ARHGAP17: variants seen among roughly 807,000 people sequenced by gnomAD.
The protein encoded by ARHGAP17 is rho GTPase-activating protein 17.
ARHGAP17 carries 57 observed loss-of-function variants against 99.5 expected under a neutral mutation model. That is an observed-to-expected ratio of 0.57 (90% CI 0.46 to 0.71). The LOEUF (loss-of-function observed/expected upper bound fraction) is 0.71, where lower values mean the gene tolerates loss of function less well. Ranked by LOEUF, ARHGAP17 falls within the 30% of genes least tolerant of loss-of-function variation. ARHGAP17 has a pLI of 0.00. For missense variants in ARHGAP17, 1,000 were observed against 1,122.4 expected, an observed-to-expected ratio of 0.89 and a Z score of 1.56; for synonymous variants, 417 against 429.6, an observed-to-expected ratio of 0.97 and a Z score of 0.36.
chr16:24,959,953 G>A lies in ARHGAP17; in HGVS notation c.600C>T (p.Asn200=). The change falls in exon 8 of 20, where the codon AAC becomes AAT. Residue 200 remains asparagine (N), a synonymous_variant. Transcript: ENST00000289968. ...CATACTCCCCTTCTTTGGCCATAAA[G>A]TTGTACATGTCTGCTGCAAGTTGAT... is the stretch of plus-strand genomic sequence containing the variant. ...CKDQLAADMY[N]FMAKEGEYGK... 1 of 1,614,038 alleles carries A rather than the reference G, an allele frequency of 6.2e-7. No homozygotes were observed. The highest frequency in any genetic ancestry group is 1.1e-5 in the South Asian group (1 of 91,072).
At chr16:24,942,970 A>G (rs1166543504) in intron 15 of ARHGAP17, among the ~76,000 whole-genome samples, 2 of 152,136 alleles carry the variant, frequency 1.3e-5, no homozygotes, top group African/African-American at 2.4e-5. Context: ...GATGGTGACA[A>G]AACAGTGGTA....
intron 1 of ARHGAP17, among the ~76,000 whole-genome samples, chr16:24,988,973 G>C (rs1349337073): frequency 6.6e-6 from 1 of 152,164 alleles, no homozygotes; most frequent in African/African-American, 2.4e-5. Context: ...AAATATGTGA[G>C]AAATATTTTG....
At chr16:25,010,266 G>A (rs2053610001) in intron 1 of ARHGAP17, among the ~76,000 whole-genome samples, 1 of 151,932 alleles carries the variant, frequency 6.6e-6, no homozygotes, top group African/African-American at 2.4e-5. Context: ...TAAAGACCGG[G>A]TTTCACCATG....
At chr16:24,973,741 T>G (rs1053574401) in intron 3 of ARHGAP17, among the ~76,000 whole-genome samples, 1 of 152,266 alleles carries the variant, frequency 6.6e-6, no homozygotes, top group African/African-American at 2.4e-5. Context: ...CATTTGTATG[T>G]ATCTCCCCCA....
chr16:25,001,721 A>C (rs911901911), intron 1 of ARHGAP17, among the ~76,000 whole-genome samples: 1 of 152,148 alleles, frequency 6.6e-6, no homozygotes, highest in Non-Finnish European at 1.5e-5. Flanking sequence ...ACCCAGCCTG[A>C]AAAAGAGTAT....
At chr16:24,942,236 C>T (rs1255803963) in intron 15 of ARHGAP17, 93 bp from the exon 16 acceptor site, 2 of 1,277,206 alleles carry the variant, frequency 1.6e-6, no homozygotes, top group African/African-American at 1.5e-5. Flanking sequence ...GAACCTCGTT[C>T]TTCAGTCCAC....
intron 12 of ARHGAP17, among the ~76,000 whole-genome samples, chr16:24,950,453 A>T (rs1333805436): frequency 3.9e-5 from 6 of 152,184 alleles, no homozygotes; most frequent in African/African-American, 1.4e-4. Flanking sequence ...CAGGGTTCCA[A>T]GGATACGTGA....
At chr16:25,012,782 T>C (rs1055192583) in intron 1 of ARHGAP17, among the ~76,000 whole-genome samples, 4 of 152,346 alleles carry the variant, frequency 2.6e-5, no homozygotes, top group African/African-American at 9.6e-5. Context: ...AATAGTTCTG[T>C]AATAGCTTCA....
intron 1 of ARHGAP17, among the ~76,000 whole-genome samples, chr16:25,011,360 T>C (rs1294484908): frequency 6.6e-6 from 1 of 152,146 alleles, no homozygotes; most frequent in African/African-American, 2.4e-5. Flanking sequence ...TCTTTCCCTC[T>C]GAGACTTGGA....
chr16:24,927,724 G>T, intron 19 of ARHGAP17: 1 of 1,205,090 alleles, frequency 8.3e-7, no homozygotes, highest in Non-Finnish European at 1.1e-6. Context: ...AATATGGCAG[G>T]TCATACATCT....
At chr16:24,998,173 G>A (rs777540810) in intron 1 of ARHGAP17, among the ~76,000 whole-genome samples, 1 of 152,074 alleles carries the variant, frequency 6.6e-6, no homozygotes, top group Non-Finnish European at 1.5e-5. Context: ...GCACAGGGAC[G>A]TCAGGGACAG....
At chr16:25,006,786 G>A (rs1040322908) in intron 1 of ARHGAP17, among the ~76,000 whole-genome samples, 6 of 152,100 alleles carry the variant, frequency 3.9e-5, no homozygotes, top group Admixed American at 3.3e-4. Context: ...AAGATAGAGG[G>A]AAATGAAGCC....
chr16:24,982,981 T>TATATATACAC (rs1183493245), intron 1 of ARHGAP17, among the ~76,000 whole-genome samples: 23 of 10,248 alleles, frequency 2.2e-3, no homozygotes, highest in African/African-American at 6.5e-3. Context: ...TATATATATA[T>TATATATACAC]ATATATATAT....
At chr16:24,937,407 G>C (rs576944441) in intron 17 of ARHGAP17, among the ~76,000 whole-genome samples, 1 of 152,138 alleles carries the variant, frequency 6.6e-6, no homozygotes, top group East Asian at 1.9e-4. Context: ...GGGCAACAGA[G>C]CGAGACTTCG....
intron 13 of ARHGAP17, 104 bp downstream of exon 13, chr16:24,949,300 G>T: frequency 7.4e-6 from 6 of 808,152 alleles, no homozygotes; most frequent in South Asian, 1.9e-5. Context: ...TTTTGTTGTT[G>T]TTGTTGTTTT....
Position 24,930,417 on chromosome 16 carries a change from C to T in ARHGAP17, c.2515+367G>A, listed in dbSNP as rs535532987. 9.8e-5 allele frequency among the ~76,000 whole-genome samples: 15 copies of T among 152,298 alleles called. No individual in the cohort carries two copies. In the South Asian group the frequency reaches 2.9e-3, roughly 29 times the overall value. ...AATACCTTCCACCTGGAATAAAAGC[C>T]ATTATGTTGAGAAAAATGTAAACGT... On this transcript the variant is annotated intron_variant, in intron 19 of 19. Transcript: ENST00000289968.
At chr16:24,964,822 T>A (rs1034942533) in intron 6 of ARHGAP17, among the ~76,000 whole-genome samples, 6 of 152,134 alleles carry the variant, frequency 3.9e-5, no homozygotes, top group Non-Finnish European at 7.4e-5. Context: ...ATAGTGTAGC[T>A]ATGAGGCTGG....
intron 1 of ARHGAP17, among the ~76,000 whole-genome samples, chr16:24,991,344 T>C (rs1297375451): frequency 6.6e-6 from 1 of 152,236 alleles, no homozygotes; most frequent in Non-Finnish European, 1.5e-5. Context: ...GAGTGTTAGC[T>C]GTTCTGAGAA....
chr16:24,946,174 C>G (rs535110480), intron 14 of ARHGAP17, among the ~76,000 whole-genome samples: 28 of 152,222 alleles, frequency 1.8e-4, no homozygotes, highest in African/African-American at 6.5e-4. Flanking sequence ...CTAAGTGCAA[C>G]TTAAGACATT....
Sources: allele counts gnomAD v4.1 joint callset (sites outside exome capture counted in the v4.1 genomes callset), GRCh38; gene constraint gnomAD v4.1.1; transcripts MANE v1.5; gene names NCBI Gene and HGNC (gene_info 2026-07-23, HGNC 2026-07-21).